AKAP13: variants seen among roughly 807,000 people sequenced by gnomAD.
AKAP13 encodes A-kinase anchor protein 13.
AKAP13 carries 80 observed loss-of-function variants against 264.5 expected under a neutral mutation model. That is an observed-to-expected ratio of 0.30 (90% CI 0.25 to 0.36). The LOEUF (loss-of-function observed/expected upper bound fraction) is 0.36, where lower values mean the gene tolerates loss of function less well. AKAP13 is among the 10% of genes least tolerant of loss of function. The pLI is 1.00. For synonymous variants in AKAP13, 1,380 were observed against 1,250.2 expected (o/e 1.10, Z -2.19); for missense variants, 3,712 against 3,435.2 (o/e 1.08, Z -2.01).
intron 8 of AKAP13, chr15:85,619,302 C>A: frequency 1.1e-6 from 1 of 930,776 alleles, no homozygotes; most frequent in Non-Finnish European, 1.3e-6. Flanking sequence ...CAAGCAGTGA[C>A]GTTCTTGAGA....
At position 85,629,764 on chromosome 15, in the gene AKAP13, C is replaced by CTTTTTTTTTTTTTTTTT. The variant is rs773396099; in HGVS notation, c.4162-9593_4162-9577dup. Among the ~76,000 whole-genome samples the CTTTTTTTTTTTTTTTTT allele has an allele frequency of 4.6e-4, 23 of 50,530 alleles. 3 individuals are homozygous for CTTTTTTTTTTTTTTTTT. The highest frequency in any genetic ancestry group is 7.4e-4 in the Non-Finnish European group (20 of 26,954). 33.1% of individuals were successfully genotyped at this position (50,530 alleles called of 152,430 possible). A position where few individuals can be genotyped will look rare whatever the true frequency, so the allele number is the denominator to read the frequency against. On this transcript the variant is annotated intron_variant, in intron 8 of 36. Transcript: ENST00000394518. ...GAAATATAATGAGTTCCTTTACAGC[C>CTTTTTTTTTTTTTTTTT]TTTTTTTTTTTTTTTTTTTTTTTTT...
At chr15:85,702,740 C>T (rs931306763) in intron 17 of AKAP13, 1 of 152,220 alleles carries the variant, frequency 6.6e-6, no homozygotes, top group Non-Finnish European at 1.5e-5. Flanking sequence ...CTTTTTATCT[C>T]AGCCAAAACG....
intron 4 of AKAP13, 84 bp downstream of exon 4, chr15:85,533,964 A>G: frequency 7.2e-7 from 1 of 1,394,440 alleles, no homozygotes; most frequent in Admixed American, 2.7e-5. Flanking sequence ...TTCTATGGTC[A>G]TCATATTCAG....
chr15:85,563,256 G>T (rs117961884), intron 5 of AKAP13, among the ~76,000 whole-genome samples: 1 of 151,436 alleles, frequency 6.6e-6, no homozygotes, highest in Non-Finnish European at 1.5e-5. Flanking sequence ...GAACAATATG[G>T]TGAGCAATGT....
At chr15:85,472,873 C>G (rs1382421847) in intron 1 of AKAP13, among the ~76,000 whole-genome samples, 1 of 152,144 alleles carries the variant, frequency 6.6e-6, no homozygotes, top group Non-Finnish European at 1.5e-5. Flanking sequence ...ACTGTTGTTT[C>G]TAGTAAATGT....
At chr15:85,456,665 C>G (rs2074292210) in intron 1 of AKAP13, among the ~76,000 whole-genome samples, 1 of 151,716 alleles carries the variant, frequency 6.6e-6, no homozygotes. Context: ...ATTCTTCTGC[C>G]TCAGCCTCCC....
At chr15:85,654,545 G>A (rs1056877115) in intron 10 of AKAP13, among the ~76,000 whole-genome samples, 1 of 152,042 alleles carries the variant, frequency 6.6e-6, no homozygotes, top group Non-Finnish European at 1.5e-5. Flanking sequence ...GAAAAAAATG[G>A]GCTGGTCACG....
At chr15:85,509,326 T>A (rs75948406) in intron 2 of AKAP13, among the ~76,000 whole-genome samples, 1 of 152,160 alleles carries the variant, frequency 6.6e-6, no homozygotes, top group African/African-American at 2.4e-5. Flanking sequence ...AAATAGTGAG[T>A]GCTAAATAAT....
chr15:85,433,117 GTTTTTTTTTTTTTT>G (rs199655190), intron 1 of AKAP13, among the ~76,000 whole-genome samples: 1 of 53,246 alleles, frequency 1.9e-5, no homozygotes, highest in Non-Finnish European at 3.7e-5. Context: ...CTTCTGTACA[GTTTTTTTTTTTTTT>G]TTTTTTTTTT....
chr15:85,695,320 C>G (rs1466851937), intron 17 of AKAP13, among the ~76,000 whole-genome samples: 2 of 152,148 alleles, frequency 1.3e-5, no homozygotes, highest in African/African-American at 4.8e-5. Context: ...AGGAGAATTG[C>G]TTGAACTTGG....
chr15:85,477,762 C>G (rs1427137683), intron 1 of AKAP13, among the ~76,000 whole-genome samples: 1 of 149,972 alleles, frequency 6.7e-6, no homozygotes, highest in Non-Finnish European at 1.5e-5. Flanking sequence ...GCTGAGATTT[C>G]TTTAGTATGG....
chr15:85,433,739 C>T (rs765037454), intron 1 of AKAP13, among the ~76,000 whole-genome samples: 18 of 151,884 alleles, frequency 1.2e-4, no homozygotes, highest in African/African-American at 2.9e-4. Flanking sequence ...GGTGGATCAC[C>T]GAGACCAGCC....
chr15:85,707,805 A>AG (rs921279423), intron 17 of AKAP13, among the ~76,000 whole-genome samples: 5 of 151,926 alleles, frequency 3.3e-5, no homozygotes, highest in African/African-American at 4.8e-5. Context: ...AACACCGAAA[A>AG]AAAAAAAATC....
intron 1 of AKAP13, among the ~76,000 whole-genome samples, chr15:85,399,522 ATAAAAAAATAAAAAAAT>A (rs2071306345): frequency 8.2e-6 from 1 of 121,586 alleles, no homozygotes; most frequent in African/African-American, 3.2e-5. Flanking sequence ...AAAAAAAAAA[ATAAAAAAATAAAAAAAT>A]AAATAAATAA....
At chr15:85,570,188 C>T (rs766471127) in intron 5 of AKAP13, among the ~76,000 whole-genome samples, 8 of 151,708 alleles carry the variant, frequency 5.3e-5, no homozygotes, top group East Asian at 3.9e-4. Context: ...TGGTGGCTGA[C>T]GCCTGTAATC....
chr15:85,497,702 G>A (rs2075911069), intron 2 of AKAP13, among the ~76,000 whole-genome samples: 1 of 152,168 alleles, frequency 6.6e-6, no homozygotes, highest in Admixed American at 6.5e-5. Context: ...GTGCTCAGTT[G>A]CTACACATAG....
chr15:85,476,169 G>A (rs2075157628), intron 1 of AKAP13, among the ~76,000 whole-genome samples: 1 of 152,184 alleles, frequency 6.6e-6, no homozygotes, highest in East Asian at 1.9e-4. Flanking sequence ...TGCATGTGAG[G>A]TATGCAGGGA....
intron 2 of AKAP13, among the ~76,000 whole-genome samples, chr15:85,497,740 A>G (rs924237873): frequency 9.9e-5 from 15 of 152,246 alleles, no homozygotes. Context: ...GATTGCAGAT[A>G]GAAAATATTT....
At chr15:85,549,371 G>A (rs2077870907) in intron 5 of AKAP13, among the ~76,000 whole-genome samples, 1 of 152,188 alleles carries the variant, frequency 6.6e-6, no homozygotes. Flanking sequence ...TGGCATACAA[G>A]TGCTGAAATA....
Sources: gnomAD v4.1 joint callset for allele counts (sites outside exome capture counted in the v4.1 genomes callset) on GRCh38, gnomAD v4.1.1 for gene constraint, MANE v1.5 for transcripts, NCBI Gene and HGNC (gene_info 2026-07-23, HGNC 2026-07-21) for gene names.